Variants in ACACA observed in about 807,000 individuals in gnomAD.
The protein encoded by ACACA is acetyl-CoA carboxylase 1.
A neutral mutation model predicts 296.1 loss-of-function variants in ACACA; 103 were observed. That is an observed-to-expected ratio of 0.35 (90% CI 0.30 to 0.41). The LOEUF (loss-of-function observed/expected upper bound fraction) is 0.41. Ranked by LOEUF, ACACA falls within the 10% of genes least tolerant of loss-of-function variation. ACACA has a pLI of 1.00. For missense variants in ACACA, 1,554 were observed against 2,989.7 expected, an observed-to-expected ratio of 0.52 and a Z score of 11.20; for synonymous variants, 953 against 1,038.6, an observed-to-expected ratio of 0.92 and a Z score of 1.58.
chr17:37,158,361 G>A (rs898832590), intron 42 of ACACA, among the ~76,000 whole-genome samples: 10 of 152,150 alleles, frequency 6.6e-5, no homozygotes, highest in Admixed American at 6.5e-5. Context: ...GGGTGCGGTG[G>A]TTCACACCTC....
chr17:37,149,242 T>C (rs1021300844), intron 45 of ACACA, among the ~76,000 whole-genome samples: 2 of 152,192 alleles, frequency 1.3e-5, no homozygotes, highest in East Asian at 1.9e-4. Flanking sequence ...CAGTAACCCA[T>C]CCATGCATCC....
chr17:37,117,280 T>C (rs2074303188), intron 50 of ACACA, among the ~76,000 whole-genome samples: 1 of 152,238 alleles, frequency 6.6e-6, no homozygotes, highest in African/African-American at 2.4e-5. Flanking sequence ...TGTCTCTCCT[T>C]AGTTCATTAT....
At chr17:37,162,469 G>A in intron 41 of ACACA, 1 of 308,738 alleles carries the variant, frequency 3.2e-6, no homozygotes, top group South Asian at 3.1e-5. Context: ...TAACATTAGA[G>A]GTGGGGCCTG....
At chr17:37,091,697 G>A (rs924641898) in intron 54 of ACACA, among the ~76,000 whole-genome samples, 3 of 151,802 alleles carry the variant, frequency 2.0e-5, no homozygotes, top group Non-Finnish European at 4.4e-5. Context: ...CTCCTGCATC[G>A]GCATCCTGAA....
chr17:37,128,024 CAAAAAAAAAAAAAAAA>C (rs1173864454), intron 47 of ACACA, among the ~76,000 whole-genome samples: 7 of 39,716 alleles, frequency 1.8e-4, no homozygotes, highest in Non-Finnish European at 1.8e-4. Flanking sequence ...AACTCCATCT[CAAAAAAAAAAAAAAAA>C]AAAAAAAAAA....
chr17:37,310,603 G>C (rs551644596), intron 3 of ACACA, among the ~76,000 whole-genome samples: 1 of 151,740 alleles, frequency 6.6e-6, no homozygotes, highest in South Asian at 2.1e-4. Context: ...AGACCAGCCT[G>C]GACAACATGG....
chr17:37,220,820 T>C (rs1436230506), intron 29 of ACACA, among the ~76,000 whole-genome samples: 1 of 152,134 alleles, frequency 6.6e-6, no homozygotes, highest in Non-Finnish European at 1.5e-5. Flanking sequence ...TTGGGTGAAG[T>C]GGCAATTTAG....
At chr17:37,235,933 C>T (rs2080091030) in intron 24 of ACACA, among the ~76,000 whole-genome samples, 2 of 152,102 alleles carry the variant, frequency 1.3e-5, no homozygotes, top group African/African-American at 4.8e-5. Flanking sequence ...GTGATATCTG[C>T]CATGGGATAT....
intron 35 of ACACA, among the ~76,000 whole-genome samples, chr17:37,199,519 T>C (rs2145233819): frequency 6.6e-6 from 1 of 152,326 alleles, no homozygotes; most frequent in African/African-American, 2.4e-5. Flanking sequence ...TTCAGTTAAA[T>C]GGGAGAATAA....
Position 37,379,657 on chromosome 17 carries a change from A to G in ACACA, c.38+26605T>C, listed in dbSNP as rs555373584. Among the ~76,000 whole-genome samples, 826 of 152,208 alleles carry G rather than the reference A, an allele frequency of 5.4e-3. 5 individuals are homozygous for G. The highest frequency in any genetic ancestry group is 6.9e-3 in the Non-Finnish European group (470 of 68,016). On this transcript the variant is annotated intron_variant, in intron 1 of 55. Transcript: ENST00000616317. ...CTCAAAAGAAGACATTTATGCAGCC[A>G]AAAAACACATGAAAAAATGCTCATG...
intron 23 of ACACA, among the ~76,000 whole-genome samples, 167 bp downstream of exon 23, chr17:37,241,782 GAGTT>G (rs2080422158): frequency 6.6e-6 from 1 of 152,128 alleles, no homozygotes; most frequent in African/African-American, 2.4e-5. Context: ...TTGAGCATGA[GAGTT>G]AGCTCACAAT....
chr17:37,349,408 A>G (rs1245846115), intron 1 of ACACA, among the ~76,000 whole-genome samples: 1 of 147,752 alleles, frequency 6.8e-6, no homozygotes, highest in Non-Finnish European at 1.5e-5. Context: ...ACATATATAT[A>G]ATATATATTA....
At chr17:37,218,484 G>C (rs1431259864) in intron 29 of ACACA, among the ~76,000 whole-genome samples, 1 of 152,150 alleles carries the variant, frequency 6.6e-6, no homozygotes, top group Non-Finnish European at 1.5e-5. Flanking sequence ...CATGTAGCTT[G>C]TATTATATTT....
chr17:37,221,271 GTGGTC>G (rs1312523985), intron 29 of ACACA, among the ~76,000 whole-genome samples: 1 of 152,106 alleles, frequency 6.6e-6, no homozygotes, highest in African/African-American at 2.4e-5. Context: ...CTAAATTCAG[GTGGTC>G]TGTTTTAGGG....
chr17:37,146,816 G>A (rs1315914911), intron 45 of ACACA, among the ~76,000 whole-genome samples: 11 of 151,698 alleles, frequency 7.3e-5, no homozygotes, highest in Admixed American at 7.2e-4. Flanking sequence ...CAGGGATAAC[G>A]TGTTTATTTC....
chr17:37,267,743 T>C (rs2081853642), intron 10 of ACACA, among the ~76,000 whole-genome samples: 2 of 150,038 alleles, frequency 1.3e-5, no homozygotes, highest in South Asian at 2.1e-4. Flanking sequence ...TAAACTCCTA[T>C]ATTGACTTCT....
intron 18 of ACACA, 67 bp downstream of exon 18, chr17:37,247,944 A>G: frequency 1.3e-6 from 2 of 1,598,322 alleles, no homozygotes; most frequent in Non-Finnish European, 1.7e-6. Context: ...AAATCCCAAG[A>G]GCTAGTAGCT....
intron 3 of ACACA, among the ~76,000 whole-genome samples, chr17:37,324,835 CAAA>C (rs35499336): frequency 5.3e-5 from 4 of 75,876 alleles, no homozygotes; most frequent in African/African-American, 9.8e-5. Flanking sequence ...AACTCCGACT[CAAA>C]AAAAAAAAAA....
intron 1 of ACACA, chr17:37,378,112 C>A (rs1324356314): frequency 2.5e-5 from 17 of 682,724 alleles, no homozygotes; most frequent in African/African-American, 3.7e-5. Context: ...TTTCTGGAAA[C>A]CAATCTTTAA....
Sources: allele counts gnomAD v4.1 joint callset (sites outside exome capture counted in the v4.1 genomes callset), GRCh38; gene constraint gnomAD v4.1.1; transcripts MANE v1.5; gene names NCBI Gene and HGNC (gene_info 2026-07-23, HGNC 2026-07-21).